Variants in PTPRT observed in about 807,000 individuals in gnomAD.
PTPRT encodes the protein receptor-type tyrosine-protein phosphatase T.
PTPRT carries 56 observed loss-of-function variants against 176.8 expected under a neutral mutation model. The ratio of observed to expected loss-of-function variants is 0.32; its 90% confidence interval spans 0.26 to 0.40. The LOEUF (loss-of-function observed/expected upper bound fraction) is 0.40, where lower values mean the gene tolerates loss of function less well. Among genes scored for constraint, PTPRT ranks in the 10% least tolerant of loss-of-function variants. The probability of loss-of-function intolerance (pLI) is 1.00; values close to 1 mark genes in which losing one functional copy is unlikely to be tolerated. For missense variants in PTPRT, 1,540 were observed against 1,908.2 expected, an observed-to-expected ratio of 0.81 and a Z score of 3.60; for synonymous variants, 783 against 739.0, an observed-to-expected ratio of 1.06 and a Z score of -0.96.
At chr20:42,261,950 G>A (rs1054023762) in intron 13 of PTPRT, among the ~76,000 whole-genome samples, 14 of 152,118 alleles carry the variant, frequency 9.2e-5, no homozygotes, top group Non-Finnish European at 1.3e-4. Context: ...GGAGAGAAGG[G>A]GCACGGGAGG....
intron 7 of PTPRT, among the ~76,000 whole-genome samples, chr20:42,570,788 T>C (rs1428286456): frequency 1.3e-5 from 2 of 152,186 alleles, no homozygotes; most frequent in Admixed American, 6.5e-5. Context: ...TTGTGATACA[T>C]TGGGCCCACC....
chr20:42,848,436 C>A (rs768860597), intron 2 of PTPRT, among the ~76,000 whole-genome samples: 1 of 152,198 alleles, frequency 6.6e-6, no homozygotes, highest in Non-Finnish European at 1.5e-5. Flanking sequence ...TACATTCCCA[C>A]CAGCAGTGTA....
chr20:42,142,301 T>A (rs1179505211), intron 17 of PTPRT, among the ~76,000 whole-genome samples: 1 of 152,220 alleles, frequency 6.6e-6, no homozygotes, highest in Admixed American at 6.5e-5. Context: ...AGATACTTAC[T>A]GAGCCCCTAA....
intron 18 of PTPRT, among the ~76,000 whole-genome samples, chr20:42,139,597 C>T (rs992391858): frequency 2.6e-5 from 4 of 152,184 alleles, no homozygotes; most frequent in African/African-American, 2.4e-5. Flanking sequence ...GGGTATTAAC[C>T]CTTCAGGATT....
At chr20:42,872,035 T>A (rs544696827) in intron 2 of PTPRT, among the ~76,000 whole-genome samples, 1 of 152,366 alleles carries the variant, frequency 6.6e-6, no homozygotes, top group Non-Finnish European at 1.5e-5. Context: ...GTTGTTTCAT[T>A]GACTACAAGG....
chr20:43,129,013 CA>C (rs1258229403), intron 1 of PTPRT, among the ~76,000 whole-genome samples: 1 of 152,344 alleles, frequency 6.6e-6, no homozygotes, highest in Admixed American at 6.5e-5. Flanking sequence ...ATCTGGCCTA[CA>C]AAGCTATAAG....
intron 1 of PTPRT, among the ~76,000 whole-genome samples, chr20:42,986,328 T>C (rs1192961874): frequency 1.3e-5 from 2 of 152,186 alleles, no homozygotes; most frequent in African/African-American, 4.8e-5. Flanking sequence ...ACTGAGGTGT[T>C]CCCAGTGTCT....
intron 7 of PTPRT, among the ~76,000 whole-genome samples, chr20:42,472,788 T>C (rs1278316833): frequency 6.6e-6 from 1 of 152,142 alleles, no homozygotes; most frequent in Non-Finnish European, 1.5e-5. Flanking sequence ...AACATAAATA[T>C]ATAAAAGGAA....
At chr20:42,842,966 CGGT>C (rs1404332046) in intron 2 of PTPRT, among the ~76,000 whole-genome samples, 6 of 152,172 alleles carry the variant, frequency 3.9e-5, no homozygotes, top group African/African-American at 1.4e-4. Context: ...ATTGGGGATT[CGGT>C]GGCAACATAC....
At chr20:42,591,763 G>C (rs1209374016) in intron 7 of PTPRT, among the ~76,000 whole-genome samples, 1 of 152,124 alleles carries the variant, frequency 6.6e-6, no homozygotes, top group African/African-American at 2.4e-5. Context: ...TTCTTCAAAA[G>C]TCAGGATCTG....
chr20:43,186,548 C>T (rs1299840972), intron 1 of PTPRT, among the ~76,000 whole-genome samples: 2 of 152,168 alleles, frequency 1.3e-5, no homozygotes, highest in African/African-American at 2.4e-5. Context: ...GACAGCTATA[C>T]GACTACATGG....
At chr20:42,847,401 A>T (rs183969931) in intron 2 of PTPRT, among the ~76,000 whole-genome samples, 131 of 152,318 alleles carry the variant, frequency 8.6e-4, no homozygotes, top group African/African-American at 2.9e-3. Flanking sequence ...CTGGCCATAC[A>T]GAAGACCAAG....
chr20:42,453,962 G>T (rs1382147073), intron 8 of PTPRT, among the ~76,000 whole-genome samples: 2 of 151,872 alleles, frequency 1.3e-5, no homozygotes, highest in Admixed American at 1.3e-4. Flanking sequence ...GCCTCCTAAA[G>T]TGCTGGGATT....
At chr20:42,176,611 AAG>A (rs1385941158) in intron 16 of PTPRT, among the ~76,000 whole-genome samples, 1 of 152,246 alleles carries the variant, frequency 6.6e-6, no homozygotes, top group Non-Finnish European at 1.5e-5. Context: ...GGAAAAGACT[AAG>A]TAATGCCTCA....
chr20:42,072,467 G>C (rs1226176241), downstream of PTPRT, among the ~76,000 whole-genome samples: 1 of 152,192 alleles, frequency 6.6e-6, no homozygotes. Flanking sequence ...GAATCTGTAT[G>C]TTTAACAAAG....
At chr20:42,547,554 C>A (rs1471081779) in intron 7 of PTPRT, among the ~76,000 whole-genome samples, 1 of 151,992 alleles carries the variant, frequency 6.6e-6, no homozygotes, top group Admixed American at 6.6e-5. Context: ...TGATAAAGTT[C>A]AACCTCTACT....
At chr20:42,953,207 G>A (rs1981369681) in intron 1 of PTPRT, among the ~76,000 whole-genome samples, 1 of 152,164 alleles carries the variant, frequency 6.6e-6, no homozygotes, top group Non-Finnish European at 1.5e-5. Context: ...GTCAGCAGAG[G>A]GGCAAGGCTG....
chr20:42,813,372 CCCTT>C (rs772830656), intron 2 of PTPRT, among the ~76,000 whole-genome samples: 32 of 151,546 alleles, frequency 2.1e-4, no homozygotes, highest in Admixed American at 4.0e-4. Context: ...TTGCTTGCAT[CCCTT>C]CCTTCCTTTT....
intron 22 of PTPRT, among the ~76,000 whole-genome samples, chr20:42,111,870 G>A (rs1987016357): frequency 6.6e-6 from 1 of 152,128 alleles, no homozygotes; most frequent in Non-Finnish European, 1.5e-5. Flanking sequence ...GGGAGAAGAG[G>A]AAGGAATCCA....
Sources: allele counts gnomAD v4.1 joint callset (sites outside exome capture counted in the v4.1 genomes callset), GRCh38; gene constraint gnomAD v4.1.1; transcripts MANE v1.5; gene names NCBI Gene and HGNC (gene_info 2026-07-23, HGNC 2026-07-21).